The following FGF1 variants were observed in gnomAD, a reference collection of about 807,000 sequenced individuals.
FGF1 encodes the protein beta-endothelial cell growth factor.
Under a neutral mutation model 13.4 loss-of-function variants are expected in FGF1, and 9 were observed. That is an observed-to-expected ratio of 0.67 (90% CI 0.40 to 1.17). FGF1 has a LOEUF of 1.17. FGF1 is among the 50% of genes most tolerant of loss of function. The pLI is 0.01. For missense variants in FGF1, 156 were observed against 192.7 expected (o/e 0.81, Z 1.13); for synonymous variants, 93 against 79.0 (o/e 1.18, Z -0.94).
chr5:142,613,241 GA>G (rs1250484024), intron 2 of FGF1, among the ~76,000 whole-genome samples: 2 of 152,232 alleles, frequency 1.3e-5, no homozygotes, highest in Non-Finnish European at 2.9e-5. Context: ...AGAAGGAAGA[GA>G]TTTTTTTATA....
At chr5:142,695,995 A>C (rs1479420698) in intron 2 of FGF1, among the ~76,000 whole-genome samples, 2 of 152,112 alleles carry the variant, frequency 1.3e-5, no homozygotes, top group Non-Finnish European at 2.9e-5. Context: ...AGGGAGACAG[A>C]ACTGGGCAAG....
intron 1 of FGF1, among the ~76,000 whole-genome samples, chr5:142,621,864 T>A (rs1056905399): frequency 1.3e-5 from 2 of 152,188 alleles, no homozygotes; most frequent in African/African-American, 2.4e-5. Context: ...TCTTTCTCTC[T>A]ACCCTACTCC....
chr5:142,688,051 TC>T (rs1268273404), upstream of FGF1, among the ~76,000 whole-genome samples: 1 of 152,198 alleles, frequency 6.6e-6, no homozygotes, highest in African/African-American at 2.4e-5. Flanking sequence ...TTATTTTATT[TC>T]TCCATTATGT....
chr5:142,667,708 A>G (rs1770695665), intron 1 of FGF1, among the ~76,000 whole-genome samples: 1 of 152,174 alleles, frequency 6.6e-6, no homozygotes, highest in Non-Finnish European at 1.5e-5. Context: ...CCACTACCAA[A>G]TGTCCCATGC....
chr5:142,614,960 A>C (rs1456705609), intron 1 of FGF1, among the ~76,000 whole-genome samples: 1 of 152,102 alleles, frequency 6.6e-6, no homozygotes, highest in Non-Finnish European at 1.5e-5. Context: ...GCTATTTTCT[A>C]ATGTGAGATA....
intron 1 of FGF1, among the ~76,000 whole-genome samples, chr5:142,623,669 T>C (rs917415459): frequency 6.6e-6 from 1 of 152,006 alleles, no homozygotes; most frequent in African/African-American, 2.4e-5. Flanking sequence ...CTTTTACAAA[T>C]CATCTGGTAT....
intron 1 of FGF1, among the ~76,000 whole-genome samples, chr5:142,620,309 T>G (rs1474947034): frequency 6.6e-6 from 1 of 151,900 alleles, no homozygotes; most frequent in Non-Finnish European, 1.5e-5. Context: ...TCCCAGCTGC[T>G]GGGGAGGCTG....
intron 1 of FGF1, among the ~76,000 whole-genome samples, chr5:142,621,069 A>G (rs962853985): frequency 6.6e-6 from 1 of 152,140 alleles, no homozygotes; most frequent in Non-Finnish European, 1.5e-5. Context: ...CCTTTCCAGC[A>G]CTGCCTTCTT....
At chr5:142,643,095 G>C (rs1182336440) in intron 1 of FGF1, among the ~76,000 whole-genome samples, 2 of 152,144 alleles carry the variant, frequency 1.3e-5, no homozygotes, top group African/African-American at 4.8e-5. Flanking sequence ...CGCACCCCAG[G>C]AGGCTCCATG....
At chr5:142,666,775 A>G (rs1770459768) in intron 1 of FGF1, among the ~76,000 whole-genome samples, 2 of 148,994 alleles carry the variant, frequency 1.3e-5, no homozygotes, top group Non-Finnish European at 3.0e-5. Context: ...TTATCTCTAC[A>G]TTTTTTTTTT....
Position 142,618,360 on chromosome 5 carries a change from C to T in FGF1, c.-34-4199G>A, listed in dbSNP as rs555931980. The stretch of plus-strand genomic sequence containing the variant: ...AGCAACCACTTTGGCTCTGGGAACC[C>T]GGGCGAGTCATTCACTCCTTCTGAG... On this transcript the variant is annotated intron_variant, in intron 1 of 3. Coordinates refer to ENST00000337706, the MANE Select transcript of FGF1 (RefSeq NM_000800.5). 4.6e-5 allele frequency among the ~76,000 whole-genome samples: 7 copies of T among 152,224 alleles called. No homozygotes were observed. In the East Asian group the frequency reaches 5.8e-4, roughly 13 times the overall value.
At chr5:142,651,091 C>A (rs1007357111) in intron 1 of FGF1, among the ~76,000 whole-genome samples, 1 of 152,004 alleles carries the variant, frequency 6.6e-6, no homozygotes, top group Non-Finnish European at 1.5e-5. Context: ...TGAAGGAAGG[C>A]GGCTGCGAGG....
Position 142,646,477 on chromosome 5 carries a change from C to T in FGF1, c.-34-32316G>A, listed in dbSNP as rs769301174. ...AAGCAATTTTCCTGCCTCAGCCTCCCGAGTAGCTGGGATTACAGGCCTGTG... is the reference window on the plus strand; with the variant it reads ...AAGCAATTTTCCTGCCTCAGCCTCCTGAGTAGCTGGGATTACAGGCCTGTG... On this transcript the variant is annotated intron_variant, in intron 1 of 3. Coordinates refer to ENST00000337706, the MANE Select transcript of FGF1 (RefSeq NM_000800.5). Among the ~76,000 whole-genome samples the T allele has an allele frequency of 5.9e-5, 9 of 152,052 alleles. No homozygotes were observed. The South Asian group carries it at 6.2e-4, about 11-fold the overall frequency.
At chr5:142,613,853 A>G in intron 2 of FGF1, 106 bp downstream of exon 2, 1 of 1,189,580 alleles carries the variant, frequency 8.4e-7, no homozygotes, top group Non-Finnish European at 1.2e-6. Context: ...ATGCCTGAAT[A>G]GAACCTTGGA....
intron 1 of FGF1, among the ~76,000 whole-genome samples, chr5:142,673,251 T>G (rs1459024376): frequency 7.2e-5 from 11 of 152,270 alleles, no homozygotes; most frequent in African/African-American, 2.4e-4. Flanking sequence ...GTTGAGAATT[T>G]GGGCCTTTTC....
intron 3 of FGF1, among the ~76,000 whole-genome samples, chr5:142,599,311 G>C (rs1435625573): frequency 3.3e-5 from 5 of 152,306 alleles, no homozygotes; most frequent in Non-Finnish European, 5.9e-5. Flanking sequence ...GCATTTTAGA[G>C]GTTACCTATT....
At chr5:142,644,198 G>T (rs930521360) in intron 1 of FGF1, 5 of 152,296 alleles carry the variant, frequency 3.3e-5, no homozygotes, top group African/African-American at 4.8e-5. Flanking sequence ...TCCCCCAAGA[G>T]TCTGGCCAGC....
At chr5:142,608,795 TTA>T (rs1758404427) in intron 2 of FGF1, among the ~76,000 whole-genome samples, 1 of 65,678 alleles carries the variant, frequency 1.5e-5, no homozygotes, top group Non-Finnish European at 3.6e-5. Flanking sequence ...ATGTGATATA[TTA>T]TGTGTGTGTG....
chr5:142,636,228 A>C (rs1358767685), intron 1 of FGF1, among the ~76,000 whole-genome samples: 2 of 152,230 alleles, frequency 1.3e-5, no homozygotes, highest in African/African-American at 2.4e-5. Flanking sequence ...TTTGCTGACC[A>C]TGATGGTGCC....
Sources: allele counts gnomAD v4.1 joint callset (sites outside exome capture counted in the v4.1 genomes callset), GRCh38; gene constraint gnomAD v4.1.1; transcripts MANE v1.5; gene names NCBI Gene and HGNC (gene_info 2026-07-23, HGNC 2026-07-21).